The following ABCB7 variants were observed in gnomAD, a reference collection of about 807,000 sequenced individuals.
ABCB7 encodes the protein iron-sulfur clusters transporter ABCB7, mitochondrial.
Under a neutral mutation model 54.4 loss-of-function variants are expected in ABCB7, and 7 were observed. The ratio of observed to expected loss-of-function variants is 0.13; its 90% CI spans 0.07 to 0.24. The LOEUF (loss-of-function observed/expected upper bound fraction) is 0.24, where lower values mean the gene tolerates loss of function less well. Ranked by LOEUF, ABCB7 falls within the 10% of genes least tolerant of loss-of-function variation. ABCB7 has a pLI of 1.00. For missense variants in ABCB7, 356 were observed against 570.4 expected (o/e 0.62, Z 3.83); for synonymous variants, 218 against 207.1 (o/e 1.05, Z -0.45).
At chrX:75,144,664 G>A (rs2082079062) in intron 1 of ABCB7, among the ~76,000 whole-genome samples, 1 of 107,377 alleles carries the variant, frequency 9.3e-6, no homozygotes, top group Non-Finnish European at 1.9e-5. Context: ...TCAGTAGTGG[G>A]TTTGTACTGT....
chrX:75,071,542 T>A lies in ABCB7; in HGVS notation c.1174A>T (p.Ile392Leu). The change falls in exon 9 of 16, where the codon ATA becomes TTA. Residue 392 changes from isoleucine to leucine, a missense_variant. Around this residue, in one of 2 missense-constraint regions of ABCB7, gnomAD observed 241 missense variants for 470.9 expected, o/e 0.51. Transcript: ENST00000373394. ...ATTCCCTGACTGGCGAGCACCATTA[T>A]AGCTGTTAAACCGACACTGAAAATA... ...SAIFSVGLTA[I>L]MVLASQGIVA... 8.3e-7 allele frequency: 1 copy of A among 1,211,630 alleles called. No homozygotes were observed. The highest frequency in any genetic ancestry group is 1.1e-6 in the Non-Finnish European group (1 of 895,435).
chrX:75,053,143 G>A lies in ABCB7; in HGVS notation c.*227C>T, dbSNP rs2081208300. ...ATATCAAACAGGTAGCAAAAAGTAT[G>A]CATTGAGCACAACCAGGACAGTGAC... On this transcript the variant is annotated 3_prime_UTR_variant, in exon 16 of 16. Coordinates refer to ENST00000373394, the MANE Select transcript of ABCB7 (RefSeq NM_001271696.3). 3 of 448,024 alleles carry A rather than the reference G, an allele frequency of 6.7e-6. No homozygotes were observed. In the African/African-American group the frequency reaches 7.4e-5, roughly 11 times the overall value. The allele number at this position is 448,024 out of a possible 1,213,427, so 36.9% of individuals were successfully genotyped here.
At chrX:75,054,130 G>C (rs2081216903) in intron 15 of ABCB7, among the ~76,000 whole-genome samples, 2 of 112,195 alleles carry the variant, frequency 1.8e-5, no homozygotes, top group African/African-American at 6.5e-5. Flanking sequence ...TGGTGGTATA[G>C]ATTCCAAACT....
intron 4 of ABCB7, among the ~76,000 whole-genome samples, chrX:75,077,733 T>C (rs1251988269): frequency 1.8e-5 from 2 of 111,303 alleles, no homozygotes; most frequent in Admixed American, 9.6e-5. Context: ...TTCGACAATA[T>C]CATTAAAATA....
intron 15 of ABCB7, among the ~76,000 whole-genome samples, chrX:75,059,665 A>G (rs983166190): frequency 3.6e-5 from 4 of 111,355 alleles, no homozygotes; most frequent in Admixed American, 2.9e-4. Context: ...AAATCTACCC[A>G]TCACAATAGT....
At chrX:75,139,551 T>C (rs1042226294) in intron 1 of ABCB7, among the ~76,000 whole-genome samples, 5 of 112,117 alleles carry the variant, frequency 4.5e-5, no homozygotes, top group African/African-American at 1.6e-4. Flanking sequence ...AATCATGTAA[T>C]CTCTTATATG....
At chrX:75,060,667 T>C (rs1427954295) in intron 14 of ABCB7, among the ~76,000 whole-genome samples, 1 of 111,454 alleles carries the variant, frequency 9.0e-6, no homozygotes, top group Non-Finnish European at 1.9e-5. Context: ...TAGCCACATA[T>C]AATGTTTACC....
intron 4 of ABCB7, among the ~76,000 whole-genome samples, chrX:75,079,682 G>A (rs1424190051): frequency 9.0e-6 from 1 of 111,399 alleles, no homozygotes; most frequent in Non-Finnish European, 1.9e-5. Context: ...AACTCATTCA[G>A]TTTTCACCAA....
intron 3 of ABCB7, among the ~76,000 whole-genome samples, chrX:75,099,893 G>T (rs1232847948): frequency 2.0e-5 from 2 of 98,422 alleles, no homozygotes; most frequent in African/African-American, 7.4e-5. Context: ...CACTGAAAAA[G>T]AAAAAAGTAA....
At chrX:75,128,224 C>T (rs1158956808) in intron 1 of ABCB7, among the ~76,000 whole-genome samples, 1 of 111,627 alleles carries the variant, frequency 9.0e-6, no homozygotes, top group Non-Finnish European at 1.9e-5. Context: ...GTAACCAAAA[C>T]AGCATGATAC....
At chrX:75,134,850 G>C (rs1475057692) in intron 1 of ABCB7, among the ~76,000 whole-genome samples, 6 of 111,271 alleles carry the variant, frequency 5.4e-5, no homozygotes, top group African/African-American at 2.0e-4. Context: ...AACTTAGAGT[G>C]CTAAATGCCC....
At chrX:75,079,554 CAA>C (rs2081438969) in intron 4 of ABCB7, among the ~76,000 whole-genome samples, 1 of 111,520 alleles carries the variant, frequency 9.0e-6, no homozygotes, top group Non-Finnish European at 1.9e-5. Context: ...GTACGTAGTA[CAA>C]AGAGACCCAC....
intron 1 of ABCB7, among the ~76,000 whole-genome samples, chrX:75,131,804 C>T (rs1378271569): frequency 8.9e-6 from 1 of 111,872 alleles, no homozygotes; most frequent in African/African-American, 3.2e-5. Context: ...CCTGGGCCCA[C>T]AGCACAACCA....
chrX:75,150,063 C>T (rs2082120305), intron 1 of ABCB7, among the ~76,000 whole-genome samples: 2 of 110,968 alleles, frequency 1.8e-5, no homozygotes, highest in African/African-American at 6.6e-5. Flanking sequence ...AAAAGTCATG[C>T]CTTAGGAAGA....
At chrX:75,116,973 TA>T (rs2081826315) in intron 1 of ABCB7, among the ~76,000 whole-genome samples, 1 of 111,077 alleles carries the variant, frequency 9.0e-6, no homozygotes, top group Admixed American at 9.5e-5. Flanking sequence ...AGTTACCCTA[TA>T]TGGTCTAAAA....
At chrX:75,118,657 G>T (rs941932327) in intron 1 of ABCB7, among the ~76,000 whole-genome samples, 2 of 111,397 alleles carry the variant, frequency 1.8e-5, no homozygotes, top group Non-Finnish European at 3.8e-5. Flanking sequence ...AAATTAATTT[G>T]CATTATGAGA....
chrX:75,145,805 T>G (rs1170092777), intron 1 of ABCB7, among the ~76,000 whole-genome samples: 1 of 111,336 alleles, frequency 9.0e-6, no homozygotes, highest in Non-Finnish European at 1.9e-5. Flanking sequence ...CTATCCCTGT[T>G]GGCAGATGGC....
At chrX:75,118,819 CT>C (rs2081847324) in intron 1 of ABCB7, among the ~76,000 whole-genome samples, 1 of 111,715 alleles carries the variant, frequency 9.0e-6, no homozygotes, top group Non-Finnish European at 1.9e-5. Flanking sequence ...CCATCCCCCA[CT>C]GAGAGATAAC....
At chrX:75,126,520 C>A (rs1264931660) in intron 1 of ABCB7, among the ~76,000 whole-genome samples, 2 of 109,640 alleles carry the variant, frequency 1.8e-5, no homozygotes, top group African/African-American at 6.6e-5. Flanking sequence ...CAAACAAATT[C>A]AAAAGCTAGC....
Sources: gnomAD v4.1 joint callset for allele counts (sites outside exome capture counted in the v4.1 genomes callset) on GRCh38, gnomAD v4.1.1 for gene constraint, gnomAD v4.1.1 regional missense constraint, MANE v1.5 for transcripts, NCBI Gene and HGNC (gene_info 2026-07-23, HGNC 2026-07-21) for gene names.